The following MRTFA variants were observed in gnomAD, a reference collection of about 807,000 sequenced individuals.
The protein encoded by MRTFA is myocardin-related transcription factor A.
In MRTFA, 20 loss-of-function variants were observed where a neutral mutation model predicts 83.5. That is an observed-to-expected ratio of 0.24 (90% CI 0.17 to 0.35). MRTFA has a LOEUF of 0.35. MRTFA is among the 10% of genes least tolerant of loss of function. The pLI is 1.00. For missense variants in MRTFA, 1,200 were observed against 1,224.7 expected (o/e 0.98, Z 0.30); for synonymous variants, 659 against 541.2 (o/e 1.22, Z -3.02).
chr22:40,539,080 C>T (rs938324913), intron 3 of MRTFA, among the ~76,000 whole-genome samples: 5 of 150,376 alleles, frequency 3.3e-5, no homozygotes, highest in African/African-American at 4.9e-5. Flanking sequence ...CTGCAACCTC[C>T]GCCTCCCAGG....
intron 3 of MRTFA, among the ~76,000 whole-genome samples, chr22:40,497,401 G>C (rs1241230596): frequency 2.0e-5 from 3 of 152,232 alleles, no homozygotes; most frequent in Non-Finnish European, 2.9e-5. Flanking sequence ...GGACAGCAGT[G>C]TGGAAACAAG....
Position 40,418,790 on chromosome 22 carries a change from G to T in MRTFA, c.1948C>A (p.Arg650=), listed in dbSNP as rs780789822. Residue 650 remains arginine (R), a synonymous_variant, in exon 12 of 15, where the codon CGG becomes AGG. Transcript: ENST00000355630. ...TCCTGCTCCAGCTGCAGCTTGAGCCGCTCCACCAGCTGCTGCTTCTGCCGG... is the reference window on the plus strand; with the variant it reads ...TCCTGCTCCAGCTGCAGCTTGAGCCTCTCCACCAGCTGCTGCTTCTGCCGG... The T allele has an allele frequency of 4.4e-6, 7 of 1,591,232 alleles. No individual in the cohort carries two copies. Among genetic ancestry groups the T allele is most frequent in the Non-Finnish European group, 6.0e-6 (7 of 1,172,834 alleles).
At chr22:40,519,859 TATAATTA>T (rs1569308690) in intron 3 of MRTFA, among the ~76,000 whole-genome samples, 1 of 152,212 alleles carries the variant, frequency 6.6e-6, no homozygotes, top group Non-Finnish European at 1.5e-5. Context: ...TTGTTGGCCT[TATAATTA>T]ATAAGAGATA....
intron 4 of MRTFA, among the ~76,000 whole-genome samples, chr22:40,462,577 G>T (rs1328329524): frequency 6.6e-6 from 1 of 152,168 alleles, no homozygotes; most frequent in Non-Finnish European, 1.5e-5. Flanking sequence ...TCCAGTTTCA[G>T]CTCCGTTTAT....
chr22:40,450,704 C>T (rs868268996), intron 4 of MRTFA, among the ~76,000 whole-genome samples: 1 of 152,184 alleles, frequency 6.6e-6, no homozygotes. Flanking sequence ...GTGATCCACC[C>T]ACCTCAATCT....
At chr22:40,621,566 T>C (rs1390481507) in intron 1 of MRTFA, among the ~76,000 whole-genome samples, 1 of 152,176 alleles carries the variant, frequency 6.6e-6, no homozygotes, top group African/African-American at 2.4e-5. Context: ...ACAATATGAA[T>C]GTACTTAACA....
At chr22:40,465,013 C>G (rs2053789702) in intron 3 of MRTFA, among the ~76,000 whole-genome samples, 2 of 152,218 alleles carry the variant, frequency 1.3e-5, no homozygotes, top group South Asian at 4.2e-4. Flanking sequence ...CTTAATCAAG[C>G]CTGGCCAGTT....
intron 3 of MRTFA, among the ~76,000 whole-genome samples, chr22:40,513,614 A>G (rs566522609): frequency 4.6e-5 from 7 of 151,954 alleles, no homozygotes; most frequent in South Asian, 4.1e-4. Flanking sequence ...AAAAAAAAAA[A>G]AAAAGAAAAA....
intron 3 of MRTFA, chr22:40,523,257 A>G (rs2054902107): frequency 1.3e-5 from 2 of 152,202 alleles, no homozygotes; most frequent in African/African-American, 4.8e-5. Flanking sequence ...TAAATCCCAC[A>G]TATAAATCCA....
At chr22:40,460,420 C>A (rs2053689679) in intron 4 of MRTFA, among the ~76,000 whole-genome samples, 1 of 152,340 alleles carries the variant, frequency 6.6e-6, no homozygotes, top group East Asian at 1.9e-4. Context: ...ATTATGCTCT[C>A]AGAATTAGTG....
chr22:40,453,506 C>A (rs564188214), intron 4 of MRTFA, among the ~76,000 whole-genome samples: 10 of 152,180 alleles, frequency 6.6e-5, no homozygotes, highest in African/African-American at 2.2e-4. Context: ...CACACAGGGG[C>A]AGCAGTTGAG....
At chr22:40,574,366 G>C (rs1397414441) in intron 2 of MRTFA, among the ~76,000 whole-genome samples, 2 of 151,914 alleles carry the variant, frequency 1.3e-5, no homozygotes, top group Admixed American at 6.6e-5. Context: ...CAGACTTTCT[G>C]TTCTTACCAT....
intron 1 of MRTFA, among the ~76,000 whole-genome samples, chr22:40,633,929 T>A (rs868630514): frequency 2.0e-5 from 3 of 152,300 alleles, no homozygotes; most frequent in Non-Finnish European, 2.9e-5. Context: ...CCTGGTTCTG[T>A]TAACTTCTGT....
chr22:40,593,388 A>G (rs913716136), intron 2 of MRTFA, among the ~76,000 whole-genome samples: 1 of 152,230 alleles, frequency 6.6e-6, no homozygotes, highest in Non-Finnish European at 1.5e-5. Flanking sequence ...AATTTACAGT[A>G]CAATGCCTAA....
chr22:40,428,423 C>T (rs914811337), intron 7 of MRTFA, among the ~76,000 whole-genome samples: 2 of 152,178 alleles, frequency 1.3e-5, no homozygotes, highest in African/African-American at 2.4e-5. Context: ...CAGAGAAAAA[C>T]GGCTTTTTCC....
chr22:40,543,827 A>C (rs1475895906), intron 3 of MRTFA, among the ~76,000 whole-genome samples: 2 of 152,238 alleles, frequency 1.3e-5, no homozygotes, highest in African/African-American at 4.8e-5. Context: ...ATTCCAATCA[A>C]AATCCTGAGT....
intron 3 of MRTFA, among the ~76,000 whole-genome samples, chr22:40,516,444 G>A (rs1041903612): frequency 5.4e-4 from 73 of 134,036 alleles, no homozygotes; most frequent in South Asian, 7.0e-4. Context: ...AAAAAAAAAA[G>A]GAAAAAGAAA....
At chr22:40,471,974 TTC>T (rs1367807679) in intron 3 of MRTFA, among the ~76,000 whole-genome samples, 1 of 152,364 alleles carries the variant, frequency 6.6e-6, no homozygotes, top group Non-Finnish European at 1.5e-5. Flanking sequence ...GCTGGTATTA[TTC>T]TCTGATTCCA....
intron 4 of MRTFA, among the ~76,000 whole-genome samples, chr22:40,447,358 A>G (rs2053400021): frequency 6.6e-6 from 1 of 151,900 alleles, no homozygotes; most frequent in African/African-American, 2.4e-5. Flanking sequence ...CAAAAAAAAA[A>G]AAGAAAAAAG....
Sources: allele counts gnomAD v4.1 joint callset (sites outside exome capture counted in the v4.1 genomes callset), GRCh38; gene constraint gnomAD v4.1.1; transcripts MANE v1.5; gene names NCBI Gene and HGNC (gene_info 2026-07-23, HGNC 2026-07-21).